Variants in LRP1B observed in about 807,000 individuals in gnomAD.
The protein encoded by LRP1B is LDL receptor related protein 1B, also known as low-density lipoprotein receptor-related protein 1B.
Under a neutral mutation model 556.6 loss-of-function variants are expected in LRP1B, and 217 were observed. The ratio of observed to expected loss-of-function variants is 0.39; its 90% CI spans 0.35 to 0.44. The LOEUF (loss-of-function observed/expected upper bound fraction) is 0.44, where lower values mean the gene tolerates loss of function less well. LRP1B is among the 20% of genes least tolerant of loss of function. LRP1B has a pLI of 1.00. For missense variants in LRP1B, 5,053 were observed against 5,620.8 expected, an observed-to-expected ratio of 0.90 and a Z score of 3.23; for synonymous variants, 2,047 against 1,865.8, an observed-to-expected ratio of 1.10 and a Z score of -2.50.
At chr2:142,114,660 C>A (rs1490373119) in intron 1 of LRP1B, among the ~76,000 whole-genome samples, 2 of 151,920 alleles carry the variant, frequency 1.3e-5, no homozygotes, top group East Asian at 3.9e-4. Flanking sequence ...GGAAATAAGC[C>A]AGGCCCAAAA....
chr2:141,240,992 G>C (rs967528264), intron 5 of LRP1B, among the ~76,000 whole-genome samples: 2 of 151,914 alleles, frequency 1.3e-5, no homozygotes, highest in African/African-American at 4.8e-5. Flanking sequence ...TGTCAAAAAC[G>C]GTGCTAGACT....
intron 35 of LRP1B, among the ~76,000 whole-genome samples, chr2:140,721,124 T>C (rs1231807544): frequency 6.6e-6 from 1 of 152,208 alleles, no homozygotes; most frequent in Non-Finnish European, 1.5e-5. Context: ...GGATCTCTTC[T>C]GGCTATGATC....
chr2:141,007,493 G>GTT (rs141769736), intron 14 of LRP1B, among the ~76,000 whole-genome samples: 1 of 151,392 alleles, frequency 6.6e-6, no homozygotes, highest in South Asian at 2.1e-4. Flanking sequence ...CTAATACAGG[G>GTT]TTTTTTTAAT....
intron 87 of LRP1B, among the ~76,000 whole-genome samples, chr2:140,246,726 T>C (rs1028749691): frequency 3.8e-4 from 58 of 151,610 alleles, no homozygotes; most frequent in African/African-American, 1.4e-3. Context: ...TACACTTTGC[T>C]CTAATTAAAA....
intron 2 of LRP1B, among the ~76,000 whole-genome samples, chr2:141,629,677 G>A (rs956738028): frequency 1.3e-5 from 2 of 152,078 alleles, no homozygotes; most frequent in Non-Finnish European, 2.9e-5. Flanking sequence ...AATTGTATGA[G>A]GTTGGTATTT....
intron 1 of LRP1B, among the ~76,000 whole-genome samples, chr2:142,115,537 C>CATATGTAATATATATATTAT (rs1281651799): frequency 6.8e-5 from 1 of 14,696 alleles, no homozygotes; most frequent in African/African-American, 1.6e-4. Context: ...ATATATATTA[C>CATATGTAATATATATATTAT]ATATGTAATA....
chr2:141,180,073 A>G (rs1013202974), intron 7 of LRP1B, among the ~76,000 whole-genome samples: 2 of 151,762 alleles, frequency 1.3e-5, no homozygotes, highest in Non-Finnish European at 1.5e-5. Context: ...TGAAAATAAC[A>G]TTTTGTGCCT....
At chr2:141,740,895 C>T (rs1423802622) in intron 2 of LRP1B, among the ~76,000 whole-genome samples, 4 of 152,124 alleles carry the variant, frequency 2.6e-5, no homozygotes, top group Non-Finnish European at 5.9e-5. Context: ...ATTAACCATC[C>T]TCATCCCCCT....
chr2:140,246,827 A>T (rs1409730430), intron 87 of LRP1B, among the ~76,000 whole-genome samples: 2 of 151,520 alleles, frequency 1.3e-5, no homozygotes, highest in Non-Finnish European at 3.0e-5. Flanking sequence ...AGAAAAGCTT[A>T]TGCTAGGTTA....
intron 1 of LRP1B, among the ~76,000 whole-genome samples, chr2:142,094,002 G>A (rs1300510839): frequency 3.3e-5 from 5 of 151,908 alleles, no homozygotes; most frequent in African/African-American, 9.7e-5. Flanking sequence ...CAAGATCAAG[G>A]TGCCAGCAGA....
intron 66 of LRP1B, among the ~76,000 whole-genome samples, chr2:140,397,671 C>G (rs1208247689): frequency 6.6e-6 from 1 of 152,024 alleles, no homozygotes; most frequent in Non-Finnish European, 1.5e-5. Flanking sequence ...ATTTCTATGG[C>G]TGTATAATAT....
intron 72 of LRP1B, among the ~76,000 whole-genome samples, chr2:140,360,401 G>A (rs1682452170): frequency 6.6e-6 from 1 of 151,390 alleles, no homozygotes; most frequent in African/African-American, 2.4e-5. Context: ...CAAACCTTAT[G>A]TCACCTCACG....
intron 43 of LRP1B, among the ~76,000 whole-genome samples, chr2:140,563,505 C>T (rs1681013839): frequency 1.3e-5 from 2 of 152,122 alleles, no homozygotes; most frequent in Non-Finnish European, 2.9e-5. Context: ...TACAGCTCAG[C>T]CTTACGAAGC....
chr2:140,436,198 T>C (rs762309611), intron 66 of LRP1B, among the ~76,000 whole-genome samples: 9 of 152,144 alleles, frequency 5.9e-5, no homozygotes, highest in Non-Finnish European at 8.8e-5. Flanking sequence ...GCTTTACACA[T>C]AGAAAATAAG....
At chr2:141,412,156 C>G (rs1690876143) in intron 3 of LRP1B, among the ~76,000 whole-genome samples, 1 of 152,130 alleles carries the variant, frequency 6.6e-6, no homozygotes, top group Admixed American at 6.5e-5. Flanking sequence ...CTTTGGCTAA[C>G]AGAGTTAAAT....
chr2:141,030,283 G>A (rs1317684370), intron 11 of LRP1B, among the ~76,000 whole-genome samples: 1 of 152,002 alleles, frequency 6.6e-6, no homozygotes, highest in Admixed American at 6.6e-5. Context: ...TGTTAAACAT[G>A]GCATGAATAG....
chr2:140,701,830 C>A lies in LRP1B; in HGVS notation c.6318G>T (p.Gly2106=). 1 of 1,613,092 alleles carries A rather than the reference C, an allele frequency of 6.2e-7. No individual in the cohort carries two copies. Among genetic ancestry groups the A allele is most frequent in the Non-Finnish European group, 8.5e-7 (1 of 1,179,384 alleles). Residue 2106 remains glycine, a synonymous_variant, in exon 40 of 91, where the codon GGG becomes GGT. Transcript: ENST00000389484. Reference sequence around the variant, plus strand: ...CATTCTTGTGGCCCCTTCTGACAGACCCGTTTGCATGTGCTCTGCCAAAAA... The same window carrying A: ...CATTCTTGTGGCCCCTTCTGACAGAACCGTTTGCATGTGCTCTGCCAAAAA... ...IYWSDRAHAN[G]SVRRGHKNDA...
chr2:141,542,668 A>G (rs922906747), intron 2 of LRP1B, among the ~76,000 whole-genome samples: 6 of 152,182 alleles, frequency 3.9e-5, no homozygotes, highest in African/African-American at 1.2e-4. Flanking sequence ...TTAATCATGT[A>G]AAGGTCTGGT....
At chr2:141,128,071 C>T (rs59939338) in intron 7 of LRP1B, among the ~76,000 whole-genome samples, 3,712 of 152,242 alleles carry the variant, frequency 0.024, 152 homozygotes, top group African/African-American at 0.084. Flanking sequence ...ACCTCAAACA[C>T]CTGAGCTCAA....
Sources: gnomAD v4.1 joint callset for allele counts (sites outside exome capture counted in the v4.1 genomes callset) on GRCh38, gnomAD v4.1.1 for gene constraint, MANE v1.5 for transcripts, NCBI Gene and HGNC (gene_info 2026-07-23, HGNC 2026-07-21) for gene names.